Variants in COL5A2 observed in about 807,000 individuals in gnomAD.
COL5A2 encodes the protein collagen alpha-2(V) chain.
COL5A2 carries 23 observed loss-of-function variants against 208.2 expected under a neutral mutation model. The observed-to-expected ratio is 0.11, with a 90% CI of 0.08 to 0.16. COL5A2 has a LOEUF of 0.16. COL5A2 is among the 10% of genes least tolerant of loss of function. The pLI is 1.00. For synonymous variants in COL5A2, 625 were observed against 628.5 expected (o/e 0.99, Z 0.08); for missense variants, 1,590 against 1,956.4 (o/e 0.81, Z 3.53).
the COL5A2 span, among the ~76,000 whole-genome samples, chr2:189,365,818 A>T: frequency 1.3e-5 from 2 of 152,248 alleles, no homozygotes; most frequent in Non-Finnish European, 2.9e-5. Flanking sequence ...AACTTGTTAC[A>T]CAGCTTGGCT....
chr2:189,113,412 AAC>A (rs1407712440), intron 1 of COL5A2, among the ~76,000 whole-genome samples: 1 of 152,092 alleles, frequency 6.6e-6, no homozygotes, highest in African/African-American at 2.4e-5. Context: ...CATCTTGAGC[AAC>A]AGAGTGAGAC....
At chr2:189,240,022 T>C in the COL5A2 span, among the ~76,000 whole-genome samples, 1 of 152,082 alleles carries the variant, frequency 6.6e-6, no homozygotes, top group Non-Finnish European at 1.5e-5. Flanking sequence ...TATAGCAGTG[T>C]TAGAAAACTA....
At chr2:189,246,819 C>A in the COL5A2 span, among the ~76,000 whole-genome samples, 1 of 152,158 alleles carries the variant, frequency 6.6e-6, no homozygotes, top group Admixed American at 6.5e-5. Flanking sequence ...GTGGGGAAAA[C>A]TGGTGGTTGA....
intron 50 of COL5A2, among the ~76,000 whole-genome samples, chr2:189,040,379 G>T (rs960369908): frequency 6.6e-6 from 1 of 150,520 alleles, no homozygotes; most frequent in African/African-American, 2.4e-5. Flanking sequence ...GAAATGAGAG[G>T]GAGATAAGCA....
the COL5A2 span, among the ~76,000 whole-genome samples, chr2:189,367,503 T>C: frequency 1.3e-5 from 2 of 152,210 alleles, no homozygotes; most frequent in Non-Finnish European, 2.9e-5. Context: ...TGCCTTTATA[T>C]GGCCAGTGCT....
At chr2:189,429,561 G>C in the COL5A2 span, among the ~76,000 whole-genome samples, 1 of 152,186 alleles carries the variant, frequency 6.6e-6, no homozygotes, top group African/African-American at 2.4e-5. Flanking sequence ...CCCTACTTAA[G>C]AGTCTCATGT....
chr2:189,342,276 T>C, the COL5A2 span, among the ~76,000 whole-genome samples: 1 of 148,870 alleles, frequency 6.7e-6, no homozygotes, highest in African/African-American at 2.5e-5. Context: ...CTGTTAGAAA[T>C]GCACAGGAAA....
At chr2:189,109,490 T>C (rs529652549) in intron 2 of COL5A2, among the ~76,000 whole-genome samples, 152 of 152,226 alleles carry the variant, frequency 1.0e-3, no homozygotes, top group Non-Finnish European at 1.9e-3. Flanking sequence ...GATATTGTCT[T>C]GACAATGATG....
At chr2:189,421,647 C>T in the COL5A2 span, among the ~76,000 whole-genome samples, 4 of 152,214 alleles carry the variant, frequency 2.6e-5, no homozygotes, top group African/African-American at 7.2e-5. Flanking sequence ...CAGGCCAGTG[C>T]CCACAGACCT....
the COL5A2 span, among the ~76,000 whole-genome samples, chr2:189,384,065 A>AT: frequency 6.6e-6 from 1 of 151,996 alleles, no homozygotes; most frequent in African/African-American, 2.4e-5. Flanking sequence ...ATTTCCATTC[A>AT]TGTTTTTGCA....
At position 189,086,682 on chromosome 2, in the gene COL5A2, G is replaced by T. The variant is rs1277767381; in HGVS notation, c.690+44C>A. 5.6e-6 allele frequency: 8 copies of T among 1,438,834 alleles called. No individual in the cohort carries two copies. The South Asian group carries it at 8.5e-5, about 15-fold the overall frequency. The allele number at this position is 1,438,834 out of a possible 1,614,324, so 89.1% of individuals were successfully genotyped here. ...GACCTTATGTAATATATGTGTGTGT[G>T]TATGTTTTTCTTACAGCATGTAATT... On this transcript the variant is annotated intron_variant, in intron 9 of 53. Coordinates refer to ENST00000374866, the MANE Select transcript of COL5A2 (RefSeq NM_000393.5).
At chr2:189,084,074 A>T in intron 11 of COL5A2, 37 bp from the exon 12 acceptor site, 2 of 1,371,256 alleles carry the variant, frequency 1.5e-6, no homozygotes, top group Non-Finnish European at 2.1e-6. Flanking sequence ...GGGAAGGCAA[A>T]AGTGATTAAA....
the COL5A2 span, among the ~76,000 whole-genome samples, chr2:189,289,341 AAAAAAAAGAAAAAAG>A: frequency 2.0e-5 from 3 of 151,824 alleles, no homozygotes; most frequent in African/African-American, 7.3e-5. Flanking sequence ...ACTCTATCTA[AAAAAAAAGAAAAAAG>A]AAAAAAAGAA....
At chr2:189,406,313 C>T in the COL5A2 span, among the ~76,000 whole-genome samples, 1 of 152,008 alleles carries the variant, frequency 6.6e-6, no homozygotes, top group Non-Finnish European at 1.5e-5. Flanking sequence ...TTGGTAACAG[C>T]ATATTTCACA....
At chr2:189,361,892 T>C in the COL5A2 span, among the ~76,000 whole-genome samples, 4 of 152,100 alleles carry the variant, frequency 2.6e-5, no homozygotes, top group Non-Finnish European at 4.4e-5. Context: ...AAAAAAAATC[T>C]CTGCACTTTA....
At chr2:189,090,673 T>C (rs1686765641) in intron 7 of COL5A2, among the ~76,000 whole-genome samples, 1 of 152,186 alleles carries the variant, frequency 6.6e-6, no homozygotes, top group South Asian at 2.1e-4. Context: ...TATTTCTTAT[T>C]ATGGAAATCC....
At chr2:189,287,864 G>C in the COL5A2 span, among the ~76,000 whole-genome samples, 16 of 151,906 alleles carry the variant, frequency 1.1e-4, no homozygotes, top group Non-Finnish European at 1.8e-4. Flanking sequence ...ATCCACTTTG[G>C]TTTTATCTAT....
At chr2:189,239,085 T>G in the COL5A2 span, among the ~76,000 whole-genome samples, 1 of 152,138 alleles carries the variant, frequency 6.6e-6, no homozygotes, top group South Asian at 2.1e-4. Context: ...TTTGGTCAAC[T>G]GAAGTGCAAC....
chr2:189,332,073 G>A, the COL5A2 span, among the ~76,000 whole-genome samples: 2 of 151,822 alleles, frequency 1.3e-5, no homozygotes, highest in African/African-American at 4.8e-5. Context: ...ATGACAAAAT[G>A]TAGATTTATC....
Sources: allele counts gnomAD v4.1 joint callset (sites outside exome capture counted in the v4.1 genomes callset), GRCh38; gene constraint gnomAD v4.1.1; transcripts MANE v1.5; gene names NCBI Gene and HGNC (gene_info 2026-07-23, HGNC 2026-07-21).